Variants in ZMYM2 observed in about 807,000 individuals in gnomAD.
ZMYM2 encodes zinc finger MYM-type protein 2.
Under a neutral mutation model 162.8 loss-of-function variants are expected in ZMYM2, and 56 were observed. The ratio of observed to expected loss-of-function variants is 0.34; its 90% confidence interval spans 0.28 to 0.43. The LOEUF (loss-of-function observed/expected upper bound fraction) is 0.43. ZMYM2 is among the 20% of genes least tolerant of loss of function. ZMYM2 has a pLI of 1.00. For synonymous variants in ZMYM2, 510 were observed against 541.6 expected (o/e 0.94, Z 0.81); for missense variants, 1,275 against 1,621.8 (o/e 0.79, Z 3.67).
At chr13:19,913,204 T>C in the ZMYM2 span, among the ~76,000 whole-genome samples, 4 of 152,264 alleles carry the variant, frequency 2.6e-5, no homozygotes, top group East Asian at 7.7e-4. Context: ...AGCTCTGCCA[T>C]GCTCAGCAGA....
chr13:19,993,428 TTGA>T lies in ZMYM2; in HGVS notation c.363_365del (p.Asp121del). On this transcript the variant is annotated inframe_deletion, in exon 3 of 25. Coordinates refer to ENST00000610343, the MANE Select transcript of ZMYM2 (RefSeq NM_197968.4). ...GGAAGTGTAAGTGAGACAATTGTCA[TTGA>T]TGATGAAGAGGACATGGAAACAAAT... is the stretch of plus-strand genomic sequence containing the variant. The T allele has an allele frequency of 6.2e-7, 1 of 1,613,846 alleles. No homozygotes were observed. The highest frequency in any genetic ancestry group is 8.5e-7 in the Non-Finnish European group (1 of 1,179,878).
intron 23 of ZMYM2, 55 bp from the exon 24 acceptor site, chr13:20,083,601 T>C: frequency 7.4e-7 from 1 of 1,358,550 alleles, no homozygotes; most frequent in East Asian, 2.5e-5. Flanking sequence ...GGAGTGATGT[T>C]TATATCTTTC....
At chr13:19,898,208 A>T in the ZMYM2 span, among the ~76,000 whole-genome samples, 21,169 of 151,808 alleles carry the variant, frequency 0.14, 1,828 homozygotes, top group African/African-American at 0.25. Flanking sequence ...AAAGTAAAAA[A>T]ATATATATAT....
chr13:19,974,897 C>G (rs1956650408), intron 2 of ZMYM2, among the ~76,000 whole-genome samples: 1 of 152,098 alleles, frequency 6.6e-6, no homozygotes, highest in African/African-American at 2.4e-5. Context: ...AGGAGTCTTG[C>G]TGCATGGGAT....
the ZMYM2 span, among the ~76,000 whole-genome samples, chr13:19,895,257 A>G: frequency 6.6e-6 from 1 of 151,844 alleles, no homozygotes; most frequent in African/African-American, 2.4e-5. Flanking sequence ...AGTTCCTCCA[A>G]AAATTACAAA....
chr13:19,894,860 G>A, the ZMYM2 span, among the ~76,000 whole-genome samples: 1 of 151,752 alleles, frequency 6.6e-6, no homozygotes. Context: ...GGAGGCTGAG[G>A]TGGGTAGATC....
intron 7 of ZMYM2, 39 bp downstream of exon 7, chr13:20,019,657 T>C (rs1951908239): frequency 6.6e-7 from 1 of 1,520,448 alleles, no homozygotes; most frequent in African/African-American, 1.4e-5. Flanking sequence ...GCCTTAACAT[T>C]TTTGAGCACT....
At chr13:19,999,728 T>C (rs1158166603) in intron 3 of ZMYM2, among the ~76,000 whole-genome samples, 1 of 152,142 alleles carries the variant, frequency 6.6e-6, no homozygotes, top group Non-Finnish European at 1.5e-5. Flanking sequence ...ACAGCCAAAT[T>C]GTAAATGCAA....
chr13:19,992,230 G>A (rs1192198503), intron 2 of ZMYM2, among the ~76,000 whole-genome samples: 1 of 152,094 alleles, frequency 6.6e-6, no homozygotes, highest in Non-Finnish European at 1.5e-5. Flanking sequence ...ATTAATGGGA[G>A]CCAGAGAATA....
At chr13:19,933,888 A>G in the ZMYM2 span, among the ~76,000 whole-genome samples, 1 of 152,234 alleles carries the variant, frequency 6.6e-6, no homozygotes, top group African/African-American at 2.4e-5. Context: ...AGCATCTGGG[A>G]GAGTCAGTGC....
the ZMYM2 span, among the ~76,000 whole-genome samples, chr13:19,865,347 G>A: frequency 1.3e-5 from 2 of 152,242 alleles, no homozygotes; most frequent in African/African-American, 4.8e-5. Context: ...AAGGGCTGCA[G>A]GTTGGACAAG....
chr13:19,887,746 G>T, the ZMYM2 span, among the ~76,000 whole-genome samples: 1 of 151,716 alleles, frequency 6.6e-6, no homozygotes, highest in South Asian at 2.1e-4. Flanking sequence ...AATTCTTTTT[G>T]CAAGCAACAT....
the ZMYM2 span, among the ~76,000 whole-genome samples, chr13:19,895,093 A>G: frequency 4.0e-5 from 6 of 151,020 alleles, no homozygotes; most frequent in South Asian, 4.2e-4. Flanking sequence ...AAAAAAAAAA[A>G]AAAAGAAAAT....
intron 2 of ZMYM2, among the ~76,000 whole-genome samples, chr13:19,967,810 A>G (rs1955939693): frequency 6.6e-6 from 1 of 152,220 alleles, no homozygotes; most frequent in South Asian, 2.1e-4. Context: ...TAGCAGCTGC[A>G]ATTCTTAAAC....
At chr13:19,873,027 T>C in the ZMYM2 span, among the ~76,000 whole-genome samples, 1 of 151,992 alleles carries the variant, frequency 6.6e-6, no homozygotes, top group Non-Finnish European at 1.5e-5. Flanking sequence ...TAAAATCCCT[T>C]TTATAGGCAC....
intron 10 of ZMYM2, 104 bp downstream of exon 10, chr13:20,031,539 T>TCTGAA: frequency 1.3e-6 from 1 of 765,908 alleles, no homozygotes; most frequent in Non-Finnish European, 2.0e-6. Flanking sequence ...TAGATAAAAA[T>TCTGAA]ATGCTTTTCA....
chr13:19,903,572 A>T, the ZMYM2 span, among the ~76,000 whole-genome samples: 1 of 151,918 alleles, frequency 6.6e-6, no homozygotes, highest in Non-Finnish European at 1.5e-5. Flanking sequence ...AGCCCAATTA[A>T]AAACAAAAAA....
At chr13:19,895,076 C>CAAAAAAA in the ZMYM2 span, among the ~76,000 whole-genome samples, 47 of 83,490 alleles carry the variant, frequency 5.6e-4, no homozygotes, top group Admixed American at 1.0e-3. Flanking sequence ...AACTCCATCT[C>CAAAAAAA]AAAAAAAAAA....
the ZMYM2 span, among the ~76,000 whole-genome samples, chr13:19,925,697 A>G: frequency 6.6e-6 from 1 of 150,506 alleles, no homozygotes; most frequent in Non-Finnish European, 1.5e-5. Flanking sequence ...ATGTGGTGAA[A>G]CCCCATCTAC....
Sources: gnomAD v4.1 joint callset for allele counts (sites outside exome capture counted in the v4.1 genomes callset) on GRCh38, gnomAD v4.1.1 for gene constraint, MANE v1.5 for transcripts, NCBI Gene and HGNC (gene_info 2026-07-23, HGNC 2026-07-21) for gene names.